Variants in PHACTR3 observed in about 807,000 individuals in gnomAD.
PHACTR3 encodes the protein protein phosphatase 1, regulatory subunit 123.
Under a neutral mutation model 66.8 loss-of-function variants are expected in PHACTR3, and 16 were observed. The ratio of observed to expected loss-of-function variants is 0.24; its 90% confidence interval spans 0.16 to 0.36. PHACTR3 has a LOEUF of 0.36. Among genes scored for constraint, PHACTR3 ranks in the 10% least tolerant of loss-of-function variants. The pLI, the probability that PHACTR3 is intolerant of heterozygous loss-of-function variation, is 1.00. For synonymous variants in PHACTR3, 323 were observed against 292.1 expected, an observed-to-expected ratio of 1.11 and a Z score of -1.08; for missense variants, 647 against 719.9, an observed-to-expected ratio of 0.90 and a Z score of 1.16.
intron 1 of PHACTR3, among the ~76,000 whole-genome samples, chr20:59,717,587 T>C (rs1238119221): frequency 1.3e-5 from 2 of 152,212 alleles, no homozygotes; most frequent in Admixed American, 6.5e-5. Flanking sequence ...GCTCACAGCC[T>C]GGTGCATGCT....
In PHACTR3 at chr20:59,729,533, T is replaced by G. The variant is rs748592742; in HGVS notation, c.119-13574T>G. Among the ~76,000 whole-genome samples, 18 of 152,134 alleles carry G rather than the reference T, an allele frequency of 1.2e-4. 1 individual carries two copies. The highest frequency in any genetic ancestry group is 2.1e-4 in the Non-Finnish European group (14 of 68,012). ...GGGCCAGAGCTAGGGGAGTTAGTGA[T>G]GCATCTGCTAGCCGGGCTGGCCCTC... is the stretch of plus-strand genomic sequence containing the variant. On this transcript the variant is annotated intron_variant, in intron 1 of 12. Coordinates refer to ENST00000371015, the MANE Select transcript of PHACTR3 (RefSeq NM_080672.5).
chr20:59,649,488 A>G (rs2035389507), intron 1 of PHACTR3, among the ~76,000 whole-genome samples: 1 of 152,198 alleles, frequency 6.6e-6, no homozygotes, highest in Non-Finnish European at 1.5e-5. Flanking sequence ...GATAAATTAT[A>G]CTAGGTGGAT....
chr20:59,837,551 T>A (rs890406527), intron 9 of PHACTR3, among the ~76,000 whole-genome samples: 1 of 152,222 alleles, frequency 6.6e-6, no homozygotes, highest in African/African-American at 2.4e-5. Flanking sequence ...TTCTTCATTT[T>A]ACTTTTTAAA....
chr20:59,711,876 T>C (rs1322031118), intron 1 of PHACTR3, among the ~76,000 whole-genome samples: 3 of 152,206 alleles, frequency 2.0e-5, no homozygotes, highest in Non-Finnish European at 4.4e-5. Context: ...GCTATATTTT[T>C]TCTTCTGAAA....
intron 3 of PHACTR3, among the ~76,000 whole-genome samples, chr20:59,750,880 C>T (rs2035940983): frequency 6.6e-6 from 1 of 152,246 alleles, no homozygotes; most frequent in South Asian, 2.1e-4. Flanking sequence ...TGCTTGGCCA[C>T]AGGCTCCCGG....
intron 1 of PHACTR3, among the ~76,000 whole-genome samples, chr20:59,705,186 A>C (rs2146624987): frequency 6.6e-6 from 1 of 152,192 alleles, no homozygotes; most frequent in South Asian, 2.1e-4. Flanking sequence ...CCAACTCCTG[A>C]ACAAAAAGTG....
chr20:59,720,062 G>C (rs894001402), intron 1 of PHACTR3, among the ~76,000 whole-genome samples: 4 of 152,202 alleles, frequency 2.6e-5, no homozygotes, highest in Admixed American at 6.5e-5. Flanking sequence ...GGAGGCATAT[G>C]ATGAGCACAG....
chr20:59,688,941 C>G (rs905517668), intron 1 of PHACTR3, among the ~76,000 whole-genome samples: 1 of 152,102 alleles, frequency 6.6e-6, no homozygotes, highest in Non-Finnish European at 1.5e-5. Flanking sequence ...ACGCTAATTT[C>G]TGTTATTTGG....
At chr20:59,684,755 A>G (rs932163149) in intron 1 of PHACTR3, among the ~76,000 whole-genome samples, 2 of 152,162 alleles carry the variant, frequency 1.3e-5, no homozygotes, top group African/African-American at 4.8e-5. Context: ...AGCTGTTATG[A>G]CATCGTGCCC....
At chr20:59,763,122 G>T (rs76212819) in intron 4 of PHACTR3, among the ~76,000 whole-genome samples, 1 of 152,122 alleles carries the variant, frequency 6.6e-6, no homozygotes, top group African/African-American at 2.4e-5. Context: ...AATCACAGGG[G>T]GGCAGTTTCC....
chr20:59,616,652 TGCGCTGA>T (rs1156435603), intron 1 of PHACTR3, among the ~76,000 whole-genome samples: 1 of 152,222 alleles, frequency 6.6e-6, no homozygotes, highest in African/African-American at 2.4e-5. Flanking sequence ...AGGCTGTGGC[TGCGCTGA>T]GCTGACCACC....
intron 1 of PHACTR3, among the ~76,000 whole-genome samples, chr20:59,630,473 G>A (rs1054663203): frequency 3.3e-5 from 5 of 152,196 alleles, no homozygotes; most frequent in Non-Finnish European, 5.9e-5. Context: ...TTGAGCCACC[G>A]TTCCCAGCCT....
chr20:59,754,002 G>A (rs2039692455), intron 3 of PHACTR3, among the ~76,000 whole-genome samples: 1 of 152,248 alleles, frequency 6.6e-6, no homozygotes, highest in African/African-American at 2.4e-5. Flanking sequence ...TCGTGGCTGT[G>A]TCGACATGTG....
chr20:59,712,334 A>G (rs1464772734), intron 1 of PHACTR3, among the ~76,000 whole-genome samples: 1 of 152,120 alleles, frequency 6.6e-6, no homozygotes, highest in Non-Finnish European at 1.5e-5. Context: ...GTTCATCTTG[A>G]CCTAACCTAT....
chr20:59,739,411 A>T (rs1218116190), intron 1 of PHACTR3, among the ~76,000 whole-genome samples: 1 of 152,196 alleles, frequency 6.6e-6, no homozygotes, highest in Admixed American at 6.5e-5. Context: ...AGACTGCATG[A>T]TTTATAAAAG....
intron 1 of PHACTR3, among the ~76,000 whole-genome samples, chr20:59,598,884 C>T (rs563286081): frequency 6.6e-6 from 1 of 152,300 alleles, no homozygotes; most frequent in East Asian, 1.9e-4. Context: ...GGTGGTTTTG[C>T]CTTCATCTTT....
intron 1 of PHACTR3, among the ~76,000 whole-genome samples, chr20:59,740,653 T>A (rs1181672892): frequency 6.6e-6 from 1 of 150,934 alleles, no homozygotes; most frequent in Non-Finnish European, 1.5e-5. Flanking sequence ...TCAGGGATGA[T>A]TATCATGGCA....
chr20:59,753,157 A>T (rs528644655), intron 3 of PHACTR3, among the ~76,000 whole-genome samples: 1 of 149,888 alleles, frequency 6.7e-6, no homozygotes, highest in African/African-American at 2.5e-5. Context: ...AAAATTAAAA[A>T]AAAAAAATCA....
intron 1 of PHACTR3, among the ~76,000 whole-genome samples, chr20:59,740,202 T>C (rs539640879): frequency 2.4e-4 from 37 of 152,324 alleles, no homozygotes; most frequent in Non-Finnish European, 3.2e-4. Context: ...ATCAGAGTGA[T>C]GATAAAGTCT....
Sources: gnomAD v4.1 joint callset for allele counts (sites outside exome capture counted in the v4.1 genomes callset) on GRCh38, gnomAD v4.1.1 for gene constraint, MANE v1.5 for transcripts, NCBI Gene and HGNC (gene_info 2026-07-23, HGNC 2026-07-21) for gene names.